EFCAB5: variants seen among roughly 807,000 people sequenced by gnomAD.
EFCAB5 encodes EF-hand calcium-binding domain-containing protein 5.
A neutral mutation model predicts 167.9 loss-of-function variants in EFCAB5; 131 were observed. The ratio of observed to expected loss-of-function variants is 0.78; its 90% CI spans 0.68 to 0.90. The LOEUF is 0.90. Among genes scored for constraint, EFCAB5 ranks in the 40% least tolerant of loss-of-function variants. The pLI is 0.00. For synonymous variants in EFCAB5, 574 were observed against 602.8 expected, an observed-to-expected ratio of 0.95 and a Z score of 0.70; for missense variants, 1,663 against 1,745.2, an observed-to-expected ratio of 0.95 and a Z score of 0.84.
chr17:30,049,574 ATT>A (rs1165520872), intron 8 of EFCAB5, among the ~76,000 whole-genome samples: 1 of 152,212 alleles, frequency 6.6e-6, no homozygotes. Context: ...TGAAAAATCC[ATT>A]CACAGAAGAG....
upstream of EFCAB5, among the ~76,000 whole-genome samples, chr17:29,941,358 G>T (rs2067295214): frequency 6.6e-6 from 1 of 152,060 alleles, no homozygotes; most frequent in African/African-American, 2.4e-5. Flanking sequence ...AATGCCTTTT[G>T]AGATATTATT....
At chr17:30,032,340 A>G (rs1269574314) in intron 7 of EFCAB5, among the ~76,000 whole-genome samples, 2 of 152,202 alleles carry the variant, frequency 1.3e-5, no homozygotes, top group Non-Finnish European at 2.9e-5. Flanking sequence ...CACATGGAGG[A>G]ATCTGGCCAC....
chr17:30,047,219 A>T (rs2069952476), intron 8 of EFCAB5, among the ~76,000 whole-genome samples: 1 of 152,064 alleles, frequency 6.6e-6, no homozygotes, highest in Admixed American at 6.5e-5. Flanking sequence ...ACTATACAGT[A>T]AGAAATCTAA....
At chr17:30,032,187 G>A (rs2069497029) in intron 7 of EFCAB5, among the ~76,000 whole-genome samples, 1 of 152,146 alleles carries the variant, frequency 6.6e-6, no homozygotes, top group Non-Finnish European at 1.5e-5. Context: ...AGCTGAATAT[G>A]TACAACTGAA....
chr17:30,013,526 C>T (rs1301847546), intron 7 of EFCAB5, among the ~76,000 whole-genome samples: 2 of 152,128 alleles, frequency 1.3e-5, no homozygotes, highest in Non-Finnish European at 1.5e-5. Flanking sequence ...CTGGTTTAGT[C>T]TTGGGAGGGT....
At position 30,082,981 on chromosome 17, in the gene EFCAB5, T is replaced by C. The variant is rs2071019265; in HGVS notation, c.3517T>C (p.Tyr1173His). 4.3e-6 allele frequency: 7 copies of C among 1,613,918 alleles called. No individual in the cohort carries two copies. Among genetic ancestry groups the C allele is most frequent in the Non-Finnish European group, 5.1e-6 (6 of 1,179,900 alleles). The change falls in exon 18 of 23, where the codon TAT becomes CAT. Residue 1173 changes from tyrosine (Y) to histidine (H), a missense_variant. Coordinates refer to ENST00000394835, the MANE Select transcript of EFCAB5 (RefSeq NM_198529.4). ...HIVITGIGWL[Y>H]DVTSSITSIT... ...TGTGATCACTGGCATAGGCTGGCTT[T>C]ATGACGTCACATCCAGCATCACCTC...
rs765274812 is a variant in EFCAB5 at position 29,968,904 on chromosome 17, G to A, written c.304G>A (p.Asp102Asn). Residue 102 changes from aspartate to asparagine, a missense_variant, in exon 4 of 23, where the codon GAT becomes AAT. Transcript: ENST00000394835. ...RKSAKVIFALDETELKSKPEH... is the reference protein window; with the variant it reads ...RKSAKVIFALNETELKSKPEH... ...ATCTGCAAAAGTGATTTTTGCTTTA[G>A]ATGAAACTGAACTGAAATCAAAGCC... 22 of 1,573,566 alleles carry A rather than the reference G, an allele frequency of 1.4e-5. No homozygotes were observed. In the South Asian group the frequency reaches 2.0e-4, roughly 14 times the overall value.
chr17:30,049,368 T>C (rs2070020078), intron 8 of EFCAB5, among the ~76,000 whole-genome samples: 1 of 152,100 alleles, frequency 6.6e-6, no homozygotes, highest in African/African-American at 2.4e-5. Flanking sequence ...TAGTCCCAGC[T>C]ACTCCGGAGG....
At chr17:30,102,146 T>C (rs568246387) in intron 22 of EFCAB5, among the ~76,000 whole-genome samples, 1 of 148,894 alleles carries the variant, frequency 6.7e-6, no homozygotes, top group African/African-American at 2.6e-5. Context: ...GGAAGGAGAA[T>C]ATGGGTGCAG....
intron 1 of EFCAB5, among the ~76,000 whole-genome samples, chr17:29,934,816 G>T (rs1044741528): frequency 6.6e-6 from 1 of 152,188 alleles, no homozygotes; most frequent in Non-Finnish European, 1.5e-5. Flanking sequence ...GGGCTGCTGA[G>T]AATCTCTAGA....
chr17:30,090,528 G>T lies in EFCAB5; in HGVS notation c.3791G>T (p.Gly1264Val). The T allele has an allele frequency of 6.2e-7, 1 of 1,614,022 alleles. No homozygotes were observed. The highest frequency in any genetic ancestry group is 8.5e-7 in the Non-Finnish European group (1 of 1,179,886). The change falls in exon 20 of 23, where the codon GGA (glycine) becomes GTA (valine). Residue 1264 changes from glycine (G) to valine (V), a missense_variant. Gly to Val is a moderately radical substitution (Grantham distance 109, BLOSUM62 -3). Coordinates refer to ENST00000394835, the MANE Select transcript of EFCAB5 (RefSeq NM_198529.4). ...CGTGAGAGAACAGGAGAGGCTCTGGGAGTCCTCGATTTTAACATCGGCCAA... is the reference window on the plus strand; with the variant it reads ...CGTGAGAGAACAGGAGAGGCTCTGGTAGTCCTCGATTTTAACATCGGCCAA... ...PLRERTGEALGVLDFNIGQNR... is the reference protein window; with the variant it reads ...PLRERTGEALVVLDFNIGQNR...
intron 4 of EFCAB5, among the ~76,000 whole-genome samples, chr17:29,970,589 C>A (rs2067926815): frequency 6.6e-6 from 1 of 150,496 alleles, no homozygotes; most frequent in Non-Finnish European, 1.5e-5. Flanking sequence ...AAAATTACAC[C>A]ACTGCACTCC....
chr17:30,003,242 G>A (rs1038743611), intron 7 of EFCAB5, among the ~76,000 whole-genome samples: 2 of 151,790 alleles, frequency 1.3e-5, no homozygotes, highest in African/African-American at 4.8e-5. Flanking sequence ...TTTTGTTGTT[G>A]TTGTTCTTTT....
chr17:29,994,912 C>A (rs1025780424), intron 5 of EFCAB5, among the ~76,000 whole-genome samples: 5 of 152,178 alleles, frequency 3.3e-5, no homozygotes, highest in Non-Finnish European at 7.3e-5. Flanking sequence ...CATTTCAATG[C>A]AGTATTTTTT....
rs536077924 is a variant in EFCAB5 at position 30,069,658 on chromosome 17, G to A, written c.2738-8557G>A. ...AGCCTGGGCCACGGGGGCCCAGCAC[G>A]AGAGTCTGCATGGGCGCTCACAGGC... is the stretch of plus-strand genomic sequence containing the variant. On this transcript the variant is annotated intron_variant, in intron 14 of 22. Coordinates refer to ENST00000394835, the MANE Select transcript of EFCAB5 (RefSeq NM_198529.4). 1.1e-5 allele frequency: 17 copies of A among 1,557,492 alleles called. No homozygotes were observed. The African/African-American group carries it at 1.2e-4, about 11-fold the overall frequency.
chr17:30,105,632 T>TC (rs1358011889), intron 22 of EFCAB5, among the ~76,000 whole-genome samples: 1 of 152,230 alleles, frequency 6.6e-6, no homozygotes, highest in Non-Finnish European at 1.5e-5. Flanking sequence ...TTGAATGTGA[T>TC]CTCATGACCA....
In EFCAB5 at chr17:29,944,510, C is replaced by A. The variant is rs181542336; in HGVS notation, c.190+861C>A. Among the ~76,000 whole-genome samples, 393 of 152,144 alleles carry A rather than the reference C, an allele frequency of 2.6e-3. 1 individual carries two copies. The highest frequency in any genetic ancestry group is 2.9e-3 in the Non-Finnish European group (198 of 68,014). ...AGCTGACTGACATCTAGCAGGCAAC[C>A]CACTAATACAATAATAAAATGAAGA... On this transcript the variant is annotated intron_variant, in intron 3 of 22. Coordinates refer to ENST00000394835, the MANE Select transcript of EFCAB5 (RefSeq NM_198529.4).
chr17:30,046,791 T>G (rs2069942184), intron 8 of EFCAB5, among the ~76,000 whole-genome samples: 1 of 152,156 alleles, frequency 6.6e-6, no homozygotes, highest in Admixed American at 6.5e-5. Flanking sequence ...CTTGGGGCAT[T>G]TAGCTTGCAA....
intron 4 of EFCAB5, among the ~76,000 whole-genome samples, chr17:29,974,560 T>C (rs1597606038): frequency 6.6e-6 from 1 of 151,084 alleles, no homozygotes; most frequent in Non-Finnish European, 1.5e-5. Flanking sequence ...AAAAAGAATA[T>C]GTCTCACTAG....
Sources: gnomAD v4.1 joint callset for allele counts (sites outside exome capture counted in the v4.1 genomes callset) on GRCh38, gnomAD v4.1.1 for gene constraint, MANE v1.5 for transcripts, NCBI Gene and HGNC (gene_info 2026-07-23, HGNC 2026-07-21) for gene names.